Variants in MYOT observed in about 807,000 individuals in gnomAD.
MYOT encodes 57 kDa cytoskeletal protein.
A neutral mutation model predicts 58.0 loss-of-function variants in MYOT; 36 were observed. The ratio of observed to expected loss-of-function variants is 0.62; its 90% CI spans 0.48 to 0.82. The LOEUF (loss-of-function observed/expected upper bound fraction) is 0.82, where lower values mean the gene tolerates loss of function less well. Among genes scored for constraint, MYOT ranks in the 40% least tolerant of loss-of-function variants. The pLI, the probability that MYOT is intolerant of heterozygous loss-of-function variation, is 0.00. For synonymous variants in MYOT, 218 were observed against 204.6 expected (o/e 1.07, Z -0.56); for missense variants, 505 against 592.1 (o/e 0.85, Z 1.53).
intron 7 of MYOT, among the ~76,000 whole-genome samples, chr5:137,885,534 G>C (rs182810668): frequency 1.6e-4 from 24 of 152,078 alleles, no homozygotes; most frequent in African/African-American, 4.3e-4. Flanking sequence ...CACTTTAGGA[G>C]GCTGAGGTGG....
chr5:137,886,229 C>T lies in MYOT; in HGVS notation c.1190+16C>T. On this transcript the variant is annotated intron_variant, in intron 8 of 9. Coordinates refer to ENST00000239926, the MANE Select transcript of MYOT (RefSeq NM_006790.3). ...ACCGAATAAGGTAGGATATGTATTT[C>T]TAGACTTACTATAGTTTATTTGGGT... 1 of 1,580,522 alleles carries T rather than the reference C, an allele frequency of 6.3e-7. No individual in the cohort carries two copies. Among genetic ancestry groups the T allele is most frequent in the Non-Finnish European group, 8.7e-7 (1 of 1,152,408 alleles).
At position 137,870,846 on chromosome 5, in the gene MYOT, C is replaced by A. The variant is rs1426764690; in HGVS notation, c.195C>A (p.Ser65=). ...SSTLSSHITM[S]SSAFPASPQQ... is the part of the protein sequence containing the mutation. ...CACTGAGCTCTCACATCACCATGTC[C>A]TCCTCTGCTTTCCCTGCTTCTCCCC... Residue 65 remains serine, a synonymous_variant, in exon 2 of 10, where the codon TCC becomes TCA. Transcript: ENST00000239926. 3 of 1,614,084 alleles carry A rather than the reference C, an allele frequency of 1.9e-6. No individual in the cohort carries two copies.
At position 137,870,700 on chromosome 5, in the gene MYOT, T is replaced by C. The variant is rs202005786; in HGVS notation, c.49T>C (p.Cys17Arg). 1.3e-4 allele frequency: 206 copies of C among 1,614,118 alleles called. No individual in the cohort carries two copies. Among genetic ancestry groups the C allele is most frequent in the Non-Finnish European group, 2.5e-5 (30 of 1,180,060 alleles). The change falls in exon 2 of 10, where the codon TGT becomes CGT. Residue 17 changes from cysteine (C) to arginine (R), a missense_variant. Physicochemically the swap from Cys to Arg is radical, Grantham distance 180. Coordinates refer to ENST00000239926, the MANE Select transcript of MYOT (RefSeq NM_006790.3). ...ACACTTCATCCAGTCCCAAAACCCA[T>C]GTGGCTCCAGATTGCAGCCTCCTGG... ...PKHFIQSQNP[C>R]GSRLQPPGPE...
chr5:137,870,559 C>A lies in MYOT; in HGVS notation c.-93C>A. The A allele has an allele frequency of 8.9e-7, 1 of 1,126,176 alleles. No homozygotes were observed. Among genetic ancestry groups the A allele is most frequent in the Non-Finnish European group, 1.4e-6 (1 of 735,542 alleles). The allele number at this position is 1,126,176 out of a possible 1,614,324, so 69.8% of individuals were successfully genotyped here. ...TGATTCCTTACAACCTTCCGTAATTCCAGGCTTGTGGCCCCAAATTCAGGG... is the reference window on the plus strand; with the variant it reads ...TGATTCCTTACAACCTTCCGTAATTACAGGCTTGTGGCCCCAAATTCAGGG... On this transcript the variant is annotated 5_prime_UTR_variant, in exon 2 of 10. Transcript: ENST00000239926.
In MYOT at chr5:137,870,989, C is replaced by T. The variant is rs1376514309; in HGVS notation, c.338C>T (p.Pro113Leu). ...CCTGATTACAATAGCAGTAAAATCC[C>T]TTCCGCTATGGATTCCAAGTAAGTG... Reference protein sequence around the residue: ...SQPDYNSSKIPSAMDSNYQQS... With the variant: ...SQPDYNSSKILSAMDSNYQQS... Residue 113 changes from proline to leucine, a missense_variant, in exon 2 of 10, where the codon CCT becomes CTT. Transcript: ENST00000239926. 6.2e-7 allele frequency: 1 copy of T among 1,613,720 alleles called. No individual in the cohort carries two copies. Among genetic ancestry groups the T allele is most frequent in the South Asian group, 1.1e-5 (1 of 91,076 alleles).
At position 137,870,876 on chromosome 5, in the gene MYOT, G is replaced by C; in HGVS notation, c.225G>C (p.Gln75His). The C allele has an allele frequency of 5.6e-6, 9 of 1,614,168 alleles. No homozygotes were observed. Among genetic ancestry groups the C allele is most frequent in the Non-Finnish European group, 6.8e-6 (8 of 1,180,018 alleles). Residue 75 changes from glutamine to histidine, a missense_variant, in exon 2 of 10, where the codon CAG becomes CAC. Transcript: ENST00000239926. ...SSSAFPASPQ[Q>H]HAGSNPGQRV... Reference sequence around the variant, plus strand: ...CTGCTTTCCCTGCTTCTCCCCAGCAGCATGCTGGCTCCAACCCAGGCCAAA... The same window carrying C: ...CTGCTTTCCCTGCTTCTCCCCAGCACCATGCTGGCTCCAACCCAGGCCAAA...
At chr5:137,875,432 C>T (rs982019604) in intron 2 of MYOT, among the ~76,000 whole-genome samples, 7 of 152,066 alleles carry the variant, frequency 4.6e-5, no homozygotes, top group African/African-American at 1.7e-4. Flanking sequence ...AAGGCCAAAC[C>T]CCAGCATCAT....
Position 137,870,987 on chromosome 5 carries a change from C to T in MYOT, c.336C>T (p.Ile112=). The change falls in exon 2 of 10, where the codon ATC becomes ATT. Residue 112 remains isoleucine, a synonymous_variant. Transcript: ENST00000239926. Reference sequence around the variant, plus strand: ...AGCCTGATTACAATAGCAGTAAAATCCCTTCCGCTATGGATTCCAAGTAAG... The same window carrying T: ...AGCCTGATTACAATAGCAGTAAAATTCCTTCCGCTATGGATTCCAAGTAAG... ...PSQPDYNSSK[I]PSAMDSNYQQ... is the part of the protein sequence containing the mutation. 1 of 1,613,784 alleles carries T rather than the reference C, an allele frequency of 6.2e-7. No homozygotes were observed. Among genetic ancestry groups the T allele is most frequent in the South Asian group, 1.1e-5 (1 of 91,082 alleles).
chr5:137,882,121 A>G lies in MYOT; in HGVS notation c.816+16A>G, dbSNP rs756087870. The G allele has an allele frequency of 2.5e-5, 40 of 1,613,796 alleles. No homozygotes were observed. Among genetic ancestry groups the G allele is most frequent in the Admixed American group, 3.3e-5 (2 of 60,006 alleles). On this transcript the variant is annotated intron_variant, in intron 6 of 9. Transcript: ENST00000239926. ...GGACTTCAAAGTAAGAGAAGGGTTCAAAAGTACTGGGGGAAAATTAACAAT... is the reference window on the plus strand; with the variant it reads ...GGACTTCAAAGTAAGAGAAGGGTTCGAAAGTACTGGGGGAAAATTAACAAT...
chr5:137,883,428 A>C lies in MYOT; in HGVS notation c.861A>C (p.Gly287=). The C allele has an allele frequency of 6.2e-7, 1 of 1,614,098 alleles. No individual in the cohort carries two copies. The highest frequency in any genetic ancestry group is 8.5e-7 in the Non-Finnish European group (1 of 1,180,016). Residue 287 remains glycine (G), a synonymous_variant, in exon 7 of 10, where the codon GGA becomes GGC. Transcript: ENST00000239926. Reference sequence around the variant, plus strand: ...CTGATGTGTCATGGTATCTAAATGGAAGAACAGTTCAATCAGATGATTTGC... The same window carrying C: ...CTGATGTGTCATGGTATCTAAATGGCAGAACAGTTCAATCAGATGATTTGC... ...PAPDVSWYLN[G]RTVQSDDLHK...
chr5:137,884,695 A>G (rs372845438), intron 7 of MYOT, among the ~76,000 whole-genome samples: 1 of 152,192 alleles, frequency 6.6e-6, no homozygotes, highest in African/African-American at 2.4e-5. Flanking sequence ...CTCAACAAGT[A>G]TAACGCTAAT....
At chr5:137,869,365 T>C (rs1754968551) in intron 1 of MYOT, among the ~76,000 whole-genome samples, 1 of 152,212 alleles carries the variant, frequency 6.6e-6, no homozygotes, top group African/African-American at 2.4e-5. Flanking sequence ...AATGTCTATA[T>C]ATAGTCCCGC....
chr5:137,883,937 G>A (rs1169753786), intron 7 of MYOT, among the ~76,000 whole-genome samples: 2 of 152,146 alleles, frequency 1.3e-5, no homozygotes, highest in Non-Finnish European at 2.9e-5. Flanking sequence ...GAAAATCTTA[G>A]TCTAATCATT....
At chr5:137,876,177 G>T in intron 3 of MYOT, 174 bp downstream of exon 3, 1 of 653,318 alleles carries the variant, frequency 1.5e-6, no homozygotes, top group Non-Finnish European at 2.6e-6. Flanking sequence ...TCACCTCTTG[G>T]TTTACAGTAG....
intron 6 of MYOT, 127 bp from the exon 7 acceptor site, chr5:137,883,257 T>C: frequency 2.7e-6 from 2 of 754,714 alleles, no homozygotes; most frequent in South Asian, 3.0e-5. Flanking sequence ...ACTTTTGAGC[T>C]CTTGCTTTGC....
rs1458337385 is a variant in MYOT at position 137,870,683 on chromosome 5, T to C, written c.32T>C (p.Ile11Thr). The C allele has an allele frequency of 3.1e-6, 5 of 1,614,036 alleles. No individual in the cohort carries two copies. The highest frequency in any genetic ancestry group is 4.2e-6 in the Non-Finnish European group (5 of 1,180,038). Residue 11 changes from isoleucine to threonine, a missense_variant, in exon 2 of 10, where the codon ATC (isoleucine) becomes ACC (threonine). Physicochemically the swap from Ile to Thr is moderately conservative, Grantham distance 89. Transcript: ENST00000239926. The part of the protein sequence containing the change: MFNYERPKHF[I>T]QSQNPCGSRL... The stretch of plus-strand genomic sequence containing the variant: ...AACTACGAACGTCCAAAACACTTCA[T>C]CCAGTCCCAAAACCCATGTGGCTCC...
In MYOT at chr5:137,881,881, GA is replaced by G. The variant is rs1392153752; in HGVS notation, c.684-81del. The G allele has an allele frequency of 8.1e-3, 9,315 of 1,144,136 alleles. 27 individuals carry two copies. Among genetic ancestry groups the G allele is most frequent in the African/African-American group, 0.029 (1,817 of 62,320 alleles). 70.9% of individuals were successfully genotyped at this position (1,144,136 alleles called of 1,614,324 possible). A position where few individuals can be genotyped will look rare whatever the true frequency, so the allele number is the denominator to read the frequency against. On this transcript the variant is annotated intron_variant, in intron 5 of 9. Coordinates refer to ENST00000239926, the MANE Select transcript of MYOT (RefSeq NM_006790.3). ...TGGGCAACAAGAGTGAAACTCCATTGAAAAAAAAAAATTGATGGCTAAACTA... is the reference window on the plus strand; with the variant it reads ...TGGGCAACAAGAGTGAAACTCCATTGAAAAAAAAAATTGATGGCTAAACTA...
chr5:137,876,212 T>C (rs1181989873), intron 3 of MYOT: 6 of 564,822 alleles, frequency 1.1e-5, no homozygotes, highest in Admixed American at 3.3e-5. Flanking sequence ...AAATGAAAAA[T>C]GTATCTGAAT....
At chr5:137,885,425 T>C (rs1755564827) in intron 7 of MYOT, among the ~76,000 whole-genome samples, 1 of 152,150 alleles carries the variant, frequency 6.6e-6, no homozygotes, top group Admixed American at 6.5e-5. Flanking sequence ...AGCTGTCTGA[T>C]ACTCTTTCCA....
Sources: gnomAD v4.1 joint callset for allele counts (sites outside exome capture counted in the v4.1 genomes callset) on GRCh38, gnomAD v4.1.1 for gene constraint, MANE v1.5 for transcripts, NCBI Gene and HGNC (gene_info 2026-07-23, HGNC 2026-07-21) for gene names.